The following GIT2 variants were observed in gnomAD, a reference collection of about 807,000 sequenced individuals.
The protein encoded by GIT2 is ARF GTPase-activating protein GIT2.
GIT2 carries 32 observed loss-of-function variants against 100.3 expected under a neutral mutation model. The observed-to-expected ratio is 0.32, with a 90% CI of 0.24 to 0.43. GIT2 has a LOEUF of 0.43. Ranked by LOEUF, GIT2 falls within the 20% of genes least tolerant of loss-of-function variation. The probability of loss-of-function intolerance (pLI) is 1.00; values close to 1 mark genes in which losing one functional copy is unlikely to be tolerated. For missense variants in GIT2, 737 were observed against 975.1 expected (o/e 0.76, Z 3.25); for synonymous variants, 353 against 364.1 (o/e 0.97, Z 0.35).
chr12:109,954,953 A>G (rs954245566), intron 12 of GIT2, among the ~76,000 whole-genome samples: 10 of 152,068 alleles, frequency 6.6e-5, no homozygotes, highest in African/African-American at 2.2e-4. Context: ...AACTGTTTAA[A>G]TATTTTAAAA....
intron 12 of GIT2, among the ~76,000 whole-genome samples, chr12:109,957,760 C>A (rs934073921): frequency 6.6e-6 from 1 of 151,986 alleles, no homozygotes; most frequent in Non-Finnish European, 1.5e-5. Flanking sequence ...CCTGCCTTGG[C>A]CTCCCAAAGT....
At position 109,953,306 on chromosome 12, in the gene GIT2, AT is replaced by A. The variant is rs1381936238; in HGVS notation, c.1100-73del. On this transcript the variant is annotated intron_variant, in intron 12 of 19. Transcript: ENST00000355312. ...TTTCTTCCAAAAAACTACGGAGAGG[AT>A]TTTTTGGTTTAGCCATTTAAAGGAC... The A allele has an allele frequency of 1.9e-4, 290 of 1,525,824 alleles. 5 individuals carry two copies. In the South Asian group the frequency reaches 3.1e-3, roughly 16 times the overall value. The allele number at this position is 1,525,824 out of a possible 1,614,324, so 94.5% of individuals were successfully genotyped here. A position where few individuals can be genotyped will look rare whatever the true frequency, so the allele number is the denominator to read the frequency against.
At chr12:109,979,397 C>T (rs952268119) in intron 7 of GIT2, among the ~76,000 whole-genome samples, 4 of 151,458 alleles carry the variant, frequency 2.6e-5, no homozygotes, top group South Asian at 2.1e-4. Context: ...CTCAGCCTCC[C>T]GAGTAGCTGG....
chr12:109,953,040 T>C (rs183218592), intron 13 of GIT2, 52 bp downstream of exon 13: 2 of 1,592,518 alleles, frequency 1.3e-6, no homozygotes, highest in Admixed American at 1.7e-5. Context: ...TTGGCAGGGC[T>C]AGCCCTCAGC....
rs1785495385 is a variant in GIT2, at chr12:109,933,496, T to G, written c.2068-306A>C. 3.4e-6 allele frequency: 1 copy of G among 295,998 alleles called. No homozygotes were observed. Among genetic ancestry groups the G allele is most frequent in the African/African-American group, 2.1e-5 (1 of 46,780 alleles). 18.3% of individuals were successfully genotyped at this position (295,998 alleles called of 1,614,324 possible). On this transcript the variant is annotated intron_variant, in intron 19 of 19. Coordinates refer to ENST00000355312, the MANE Select transcript of GIT2 (RefSeq NM_057169.5). This position sits in a 1 kb window ranked among gnomAD's most constrained non-coding sequence, Gnocchi z 4.5. ...AAATATTCCAGAAAATCCTATAAAT[T>G]TTAAAATGTGCCTTTTAGCACGACT...
At position 109,955,373 on chromosome 12, in the gene GIT2, A is replaced by G. The variant is rs542390392; in HGVS notation, c.1100-2139T>C. ...GATCTTCTGACCTCGTGATCTGCCC[A>G]CCTCGGCCTCCCAAAGTGCTGGGAT... On this transcript the variant is annotated intron_variant, in intron 12 of 19. Coordinates refer to ENST00000355312, the MANE Select transcript of GIT2 (RefSeq NM_057169.5). Among the ~76,000 whole-genome samples the G allele has an allele frequency of 1.1e-4, 16 of 152,082 alleles. No individual in the cohort carries two copies. In the South Asian group the frequency reaches 1.9e-3, roughly 18 times the overall value.
Position 109,932,946 on chromosome 12 carries a change from T to G in GIT2, c.*32A>C. 1 of 1,247,726 alleles carries G rather than the reference T, an allele frequency of 8.0e-7. No individual in the cohort carries two copies. Among genetic ancestry groups the G allele is most frequent in the Non-Finnish European group, 1.2e-6 (1 of 846,834 alleles). The allele number at this position is 1,247,726 out of a possible 1,614,324, so 77.3% of individuals were successfully genotyped here. On this transcript the variant is annotated 3_prime_UTR_variant, in exon 20 of 20. Transcript: ENST00000355312. ...ATTTGAAATTGGACTTTATAAAGCCTAGAAAACAGAGGAGGCGGTGCCCTG... is the reference window on the plus strand; with the variant it reads ...ATTTGAAATTGGACTTTATAAAGCCGAGAAAACAGAGGAGGCGGTGCCCTG...
chr12:109,977,633 C>T (rs1885381313), intron 7 of GIT2, among the ~76,000 whole-genome samples: 1 of 151,704 alleles, frequency 6.6e-6, no homozygotes, highest in South Asian at 2.1e-4. Context: ...ACCAACCTGG[C>T]CAACATGGTG....
chr12:109,949,086 A>T (rs1168677852), intron 14 of GIT2: 3 of 541,678 alleles, frequency 5.5e-6, no homozygotes, highest in Middle Eastern at 4.9e-4. Context: ...GAATGCTTTT[A>T]TATCACAAAG....
chr12:109,967,290 A>G (rs1401471726), intron 8 of GIT2, 168 bp downstream of exon 8: 1 of 1,565,722 alleles, frequency 6.4e-7, no homozygotes, highest in South Asian at 1.2e-5. Flanking sequence ...TTGAAACTTA[A>G]GTTTTATATA....
At chr12:109,995,967 G>T in intron 1 of GIT2, 1 of 474,554 alleles carries the variant, frequency 2.1e-6, no homozygotes, top group Non-Finnish European at 3.7e-6. Context: ...CGAGAGGGAA[G>T]GGAGGGCCGC....
intron 4 of GIT2, among the ~76,000 whole-genome samples, chr12:109,985,865 A>AACACACACAC (rs113961818): frequency 6.7e-6 from 1 of 149,178 alleles, no homozygotes; most frequent in Non-Finnish European, 1.5e-5. Flanking sequence ...ACAAAAACAA[A>AACACACACAC]ACACACACAC....
intron 9 of GIT2, among the ~76,000 whole-genome samples, chr12:109,964,239 G>A (rs1223691404): frequency 2.0e-5 from 3 of 152,030 alleles, no homozygotes; most frequent in African/African-American, 7.2e-5. Context: ...ACTTCCTTAA[G>A]GCAATAAAAC....
chr12:109,934,243 T>G lies in GIT2; in HGVS notation c.2004-158A>C. ...CACACCACCAGAGGGCACATGGTTA[T>G]AAAGCAGGACTCTCATTGCTTCCTA... On this transcript the variant is annotated intron_variant, in intron 18 of 19. Coordinates refer to ENST00000355312, the MANE Select transcript of GIT2 (RefSeq NM_057169.5). The surrounding 1 kb of genome is among the most constrained non-coding windows in gnomAD (Gnocchi z 4.5). 1.6e-6 allele frequency: 1 copy of G among 612,672 alleles called. No homozygotes were observed. Among genetic ancestry groups the G allele is most frequent in the Non-Finnish European group, 3.0e-6 (1 of 337,258 alleles). 38.0% of individuals were successfully genotyped at this position (612,672 alleles called of 1,614,324 possible). A position where few individuals can be genotyped will look rare whatever the true frequency, so the allele number is the denominator to read the frequency against.
chr12:109,970,475 A>C (rs1039474979), intron 7 of GIT2, among the ~76,000 whole-genome samples: 6 of 152,218 alleles, frequency 3.9e-5, no homozygotes, highest in African/African-American at 1.4e-4. Flanking sequence ...CCTGGGTGAC[A>C]GAGCAAGACT....
chr12:109,933,157 G>A lies in GIT2; in HGVS notation c.2101C>T (p.Arg701Cys), dbSNP rs780137647. ...PKSDMVRTSL[R>C]LLTSSAYRLQ... The stretch of plus-strand genomic sequence containing the variant: ...CGGTAGGCACTGGACGTCAGTAAAC[G>A]AAGGGAAGTCCTCACCATATCAGAC... The change falls in exon 20 of 20, where the codon CGT becomes TGT. Residue 701 changes from arginine to cysteine, a missense_variant. Transcript: ENST00000355312. This position sits in a 1 kb window ranked among gnomAD's most constrained non-coding sequence, Gnocchi z 4.5. 5 of 1,579,538 alleles carry A rather than the reference G, an allele frequency of 3.2e-6. No individual in the cohort carries two copies. In the Admixed American group the frequency reaches 5.6e-5, roughly 18 times the overall value.
At chr12:109,987,743 C>CA (rs1342891819) in intron 4 of GIT2, among the ~76,000 whole-genome samples, 2 of 152,172 alleles carry the variant, frequency 1.3e-5, no homozygotes, top group Non-Finnish European at 2.9e-5. Flanking sequence ...GCTGGGATTA[C>CA]AGGAGTGAGC....
At chr12:109,954,452 TA>T (rs1031774976) in intron 12 of GIT2, 1 of 152,222 alleles carries the variant, frequency 6.6e-6, no homozygotes, top group Non-Finnish European at 1.5e-5. Flanking sequence ...CTAGAGGATC[TA>T]ATACACTTTG....
At chr12:109,958,941 T>C (rs1880311466) in intron 12 of GIT2, among the ~76,000 whole-genome samples, 7 of 152,194 alleles carry the variant, frequency 4.6e-5, no homozygotes, top group Admixed American at 4.6e-4. Context: ...TATAATTGTA[T>C]ATCACAGTAA....
Sources: allele counts gnomAD v4.1 joint callset (sites outside exome capture counted in the v4.1 genomes callset), GRCh38; gene constraint gnomAD v4.1.1; non-coding constraint Gnocchi (gnomAD v3.1); transcripts MANE v1.5; gene names NCBI Gene and HGNC (gene_info 2026-07-23, HGNC 2026-07-21).